The following MBD5 variants were observed in gnomAD, a reference collection of about 807,000 sequenced individuals.
The protein encoded by MBD5 is methyl-CpG-binding domain protein 5.
Under a neutral mutation model 117.3 loss-of-function variants are expected in MBD5, and 13 were observed. That is an observed-to-expected ratio of 0.11 (90% CI 0.07 to 0.18). MBD5 has a LOEUF of 0.18. Ranked by LOEUF, MBD5 falls within the 10% of genes least tolerant of loss-of-function variation. MBD5 has a pLI of 1.00. For synonymous variants in MBD5, 727 were observed against 766.4 expected, an observed-to-expected ratio of 0.95 and a Z score of 0.85; for missense variants, 1,879 against 2,093.8, an observed-to-expected ratio of 0.90 and a Z score of 2.00.
intron 4 of MBD5, among the ~76,000 whole-genome samples, chr2:148,442,167 T>G (rs997319605): frequency 1.3e-5 from 2 of 151,506 alleles, no homozygotes; most frequent in African/African-American, 4.9e-5. Flanking sequence ...GTTTTAGACC[T>G]GAAGTCCTAA....
intron 1 of MBD5, among the ~76,000 whole-genome samples, chr2:148,153,743 G>C (rs1206243372): frequency 6.8e-6 from 1 of 146,274 alleles, no homozygotes; most frequent in African/African-American, 2.5e-5. Context: ...AGCTCCTGAG[G>C]CTTCTGCATT....
intron 1 of MBD5, among the ~76,000 whole-genome samples, chr2:148,134,242 C>G (rs1053821466): frequency 1.3e-5 from 2 of 150,132 alleles, no homozygotes; most frequent in African/African-American, 5.0e-5. Flanking sequence ...ATAGATCGAT[C>G]GATCTACCGA....
chr2:148,389,251 CATATATATATATATATATATATAT>C (rs70995314), intron 4 of MBD5, among the ~76,000 whole-genome samples: 960 of 32,412 alleles, frequency 0.03, 44 homozygotes, highest in Middle Eastern at 0.058. Context: ...GAAAAAAAAA[CATATATATATATATATATATATAT>C]ATATATATAT....
chr2:148,366,504 G>A (rs1415142020), intron 4 of MBD5, among the ~76,000 whole-genome samples: 2 of 152,084 alleles, frequency 1.3e-5, no homozygotes, highest in East Asian at 3.9e-4. Context: ...AAGAAATAAA[G>A]GGTATTCAGA....
chr2:148,050,045 A>G (rs1694650265), intron 1 of MBD5, among the ~76,000 whole-genome samples: 1 of 152,162 alleles, frequency 6.6e-6, no homozygotes, highest in African/African-American at 2.4e-5. Flanking sequence ...TTGTGTTAAC[A>G]TATATTTTAA....
chr2:148,260,406 AAT>A (rs1700704713), intron 3 of MBD5, among the ~76,000 whole-genome samples: 1 of 152,176 alleles, frequency 6.6e-6, no homozygotes, highest in Non-Finnish European at 1.5e-5. Context: ...CTCCACTTCT[AAT>A]TAGAGATCTC....
chr2:148,090,262 C>G (rs1378266596), intron 1 of MBD5, among the ~76,000 whole-genome samples: 1 of 151,938 alleles, frequency 6.6e-6, no homozygotes, highest in Admixed American at 6.5e-5. Context: ...ATCAAGCATT[C>G]AAAGAAGAAT....
intron 3 of MBD5, among the ~76,000 whole-genome samples, chr2:148,308,668 G>A (rs375434686): frequency 5.9e-5 from 9 of 151,508 alleles, no homozygotes; most frequent in East Asian, 3.9e-4. Flanking sequence ...ATTAGACCCC[G>A]TTTGTCAATT....
At chr2:148,126,678 T>C (rs1046616056) in intron 1 of MBD5, among the ~76,000 whole-genome samples, 10 of 152,094 alleles carry the variant, frequency 6.6e-5, no homozygotes, top group Non-Finnish European at 1.5e-5. Context: ...ATCTGGGCAA[T>C]TTGAATAATA....
At chr2:148,355,667 G>C (rs1486697516) in intron 4 of MBD5, among the ~76,000 whole-genome samples, 3 of 152,128 alleles carry the variant, frequency 2.0e-5, no homozygotes, top group African/African-American at 7.2e-5. Context: ...GTACCATGCT[G>C]TTTTCATTAC....
At chr2:148,255,438 A>T (rs1241830283) in intron 3 of MBD5, among the ~76,000 whole-genome samples, 2 of 152,230 alleles carry the variant, frequency 1.3e-5, no homozygotes, top group Non-Finnish European at 2.9e-5. Context: ...CCCAAGGAGT[A>T]ACATGCAAGT....
intron 1 of MBD5, among the ~76,000 whole-genome samples, chr2:148,081,721 C>G (rs956346105): frequency 1.3e-5 from 2 of 152,180 alleles, no homozygotes; most frequent in African/African-American, 4.8e-5. Context: ...GCCACCCACT[C>G]AGAAGGCTTC....
chr2:148,086,844 A>G (rs1050489913), intron 1 of MBD5, among the ~76,000 whole-genome samples: 1 of 152,140 alleles, frequency 6.6e-6, no homozygotes, highest in Non-Finnish European at 1.5e-5. Context: ...CTAGACTTCC[A>G]TCTGTCTTTA....
chr2:148,154,198 G>A (rs1217091894), intron 1 of MBD5, among the ~76,000 whole-genome samples: 60 of 151,036 alleles, frequency 4.0e-4, no homozygotes, highest in Admixed American at 1.3e-3. Context: ...GTACCCTGCC[G>A]TGTGAGGTGT....
chr2:148,293,955 G>A (rs1368227361), intron 3 of MBD5, among the ~76,000 whole-genome samples: 3 of 151,962 alleles, frequency 2.0e-5, no homozygotes, highest in South Asian at 2.1e-4. Context: ...TTTCTTTTTC[G>A]ATCAATTAAG....
At chr2:148,397,747 A>G (rs1187597012) in intron 4 of MBD5, among the ~76,000 whole-genome samples, 1 of 151,816 alleles carries the variant, frequency 6.6e-6, no homozygotes, top group African/African-American at 2.4e-5. Context: ...GGTGTGCTGC[A>G]CCCGTTAACT....
intron 1 of MBD5, chr2:148,071,996 G>T (rs527342875): frequency 1.3e-5 from 2 of 152,228 alleles, no homozygotes; most frequent in South Asian, 4.1e-4. Context: ...ATTTAAAAAA[G>T]TCTTGCATGT....
At chr2:148,032,088 A>G (rs1694053850) in intron 1 of MBD5, among the ~76,000 whole-genome samples, 1 of 151,878 alleles carries the variant, frequency 6.6e-6, no homozygotes. Flanking sequence ...TATTTTTTTT[A>G]GCTAAAATGT....
chr2:148,506,381 A>G (rs1489435877), intron 12 of MBD5, among the ~76,000 whole-genome samples: 2 of 152,208 alleles, frequency 1.3e-5, no homozygotes, highest in African/African-American at 4.8e-5. Context: ...AAGCTGGAAA[A>G]CAATAAAGTG....
Sources: gnomAD v4.1 joint callset for allele counts (sites outside exome capture counted in the v4.1 genomes callset) on GRCh38, gnomAD v4.1.1 for gene constraint, MANE v1.5 for transcripts, NCBI Gene and HGNC (gene_info 2026-07-23, HGNC 2026-07-21) for gene names.